FRMPD4: variants seen among roughly 807,000 people sequenced by gnomAD.
The protein encoded by FRMPD4 is FERM and PDZ domain-containing protein 4.
Under a neutral mutation model 94.1 loss-of-function variants are expected in FRMPD4, and 22 were observed. The ratio of observed to expected loss-of-function variants is 0.23; its 90% CI spans 0.17 to 0.33. The LOEUF is 0.33. Ranked by LOEUF, FRMPD4 falls within the 10% of genes least tolerant of loss-of-function variation. FRMPD4 has a pLI of 1.00. For missense variants in FRMPD4, 1,111 were observed against 1,339.9 expected, an observed-to-expected ratio of 0.83 and a Z score of 2.67; for synonymous variants, 631 against 548.6, an observed-to-expected ratio of 1.15 and a Z score of -2.10.
At chrX:12,584,348 C>T (rs1259756821) in intron 2 of FRMPD4, among the ~76,000 whole-genome samples, 1 of 112,087 alleles carries the variant, frequency 8.9e-6, no homozygotes, top group Non-Finnish European at 1.9e-5. Context: ...CTGGTAACAT[C>T]TAATATCCCC....
At chrX:12,557,641 C>G (rs934522354) in intron 2 of FRMPD4, among the ~76,000 whole-genome samples, 3 of 112,021 alleles carry the variant, frequency 2.7e-5, no homozygotes, top group African/African-American at 9.7e-5. Flanking sequence ...AAAATCTCTC[C>G]CAAAGTTTAA....
intron 3 of FRMPD4, among the ~76,000 whole-genome samples, chrX:12,090,145 T>G (rs58159633): frequency 0.074 from 8,252 of 111,061 alleles, 320 homozygotes; most frequent in East Asian, 0.29. Flanking sequence ...ATCGCCAAAA[T>G]TGGAGGTGAG....
intron 3 of FRMPD4, among the ~76,000 whole-genome samples, chrX:12,100,640 T>C (rs1350108434): frequency 8.9e-6 from 1 of 112,394 alleles, no homozygotes; most frequent in African/African-American, 3.2e-5. Flanking sequence ...AAAGCTTTTA[T>C]GTTTATATTA....
At chrX:12,489,314 A>C (rs908417628) in intron 1 of FRMPD4, among the ~76,000 whole-genome samples, 5 of 112,241 alleles carry the variant, frequency 4.5e-5, no homozygotes, top group African/African-American at 1.6e-4. Flanking sequence ...ATTCAAAAAT[A>C]ATTAAAATAC....
intron 1 of FRMPD4, among the ~76,000 whole-genome samples, chrX:12,266,004 G>A (rs2054267682): frequency 9.3e-6 from 1 of 107,269 alleles, no homozygotes; most frequent in African/African-American, 3.4e-5. Context: ...GCGGTGGCAG[G>A]CGCCTGTAGT....
chrX:12,275,178 GCTGT>G (rs772238150), intron 1 of FRMPD4, among the ~76,000 whole-genome samples: 1 of 111,208 alleles, frequency 9.0e-6, no homozygotes, highest in African/African-American at 3.3e-5. Context: ...ATGGCTTGGT[GCTGT>G]CTTTGAGATA....
At chrX:12,706,942 G>A (rs774621991) in intron 12 of FRMPD4, 27 bp downstream of exon 12, 2 of 325,369 alleles carry the variant, frequency 6.1e-6, no homozygotes, top group African/African-American at 7.2e-5. Flanking sequence ...TTTTTTTTTT[G>A]CTTTCTCTTG....
intron 3 of FRMPD4, among the ~76,000 whole-genome samples, chrX:11,962,776 A>G (rs1163846625): frequency 8.9e-6 from 1 of 112,065 alleles, no homozygotes; most frequent in Non-Finnish European, 1.9e-5. Context: ...CATGTAGGAC[A>G]CAGAGTCCCA....
At chrX:11,872,789 T>C (rs182426273) in intron 2 of FRMPD4, among the ~76,000 whole-genome samples, 1 of 112,536 alleles carries the variant, frequency 8.9e-6, no homozygotes, top group Non-Finnish European at 1.9e-5. Flanking sequence ...TGGTCAGTTA[T>C]TTAGACCAAT....
At chrX:12,246,281 C>G (rs1330510592) in intron 1 of FRMPD4, among the ~76,000 whole-genome samples, 1 of 112,206 alleles carries the variant, frequency 8.9e-6, no homozygotes, top group Non-Finnish European at 1.9e-5. Context: ...CCTTCCATTT[C>G]TAAGAGCTGA....
intron 3 of FRMPD4, among the ~76,000 whole-genome samples, chrX:12,016,466 T>C (rs145351934): frequency 1.6e-3 from 178 of 112,113 alleles, no homozygotes; most frequent in African/African-American, 5.5e-3. Context: ...TTCCTGCAAA[T>C]GTGTTTCTCC....
At chrX:12,716,005 A>T in intron 14 of FRMPD4, 64 bp from the exon 15 acceptor site, 1 of 134,925 alleles carries the variant, frequency 7.4e-6, no homozygotes. Context: ...CGAGCCTCCC[A>T]CCCCCGCCCC....
At chrX:12,368,486 C>T (rs949089585) in intron 1 of FRMPD4, among the ~76,000 whole-genome samples, 5 of 110,252 alleles carry the variant, frequency 4.5e-5, no homozygotes, top group Admixed American at 9.7e-5. Flanking sequence ...AGATTACTAC[C>T]TGGCGAGGGA....
intron 1 of FRMPD4, among the ~76,000 whole-genome samples, chrX:11,825,956 T>C (rs1009501405): frequency 8.9e-6 from 1 of 112,297 alleles, no homozygotes; most frequent in African/African-American, 3.2e-5. Context: ...TAGAGACGTG[T>C]ACCATAAGTA....
At chrX:11,876,614 A>G (rs1252231123) in intron 2 of FRMPD4, among the ~76,000 whole-genome samples, 2 of 112,106 alleles carry the variant, frequency 1.8e-5, no homozygotes, top group East Asian at 2.8e-4. Context: ...CTTGGAGACT[A>G]TAGCAATGAG....
chrX:12,034,602 G>T (rs1183120549), intron 3 of FRMPD4, among the ~76,000 whole-genome samples: 1 of 111,537 alleles, frequency 9.0e-6, no homozygotes, highest in Non-Finnish European at 1.9e-5. Flanking sequence ...TCAGCACTTG[G>T]GAGTCGAGCA....
At chrX:12,531,544 G>C (rs1389663187) in intron 2 of FRMPD4, among the ~76,000 whole-genome samples, 3 of 111,648 alleles carry the variant, frequency 2.7e-5, no homozygotes, top group African/African-American at 9.7e-5. Context: ...GCTGGGGCTT[G>C]AGATTCCACA....
chrX:12,594,700 G>T (rs1447911032), intron 2 of FRMPD4, among the ~76,000 whole-genome samples: 1 of 111,412 alleles, frequency 9.0e-6, no homozygotes, highest in Admixed American at 9.5e-5. Context: ...CTCCCAAAGT[G>T]CTGGGATTAC....
intron 3 of FRMPD4, among the ~76,000 whole-genome samples, chrX:11,924,975 C>T (rs1462261117): frequency 9.0e-6 from 1 of 110,881 alleles, no homozygotes; most frequent in Non-Finnish European, 1.9e-5. Context: ...AATAAAGAAC[C>T]AAGACTCATT....
Sources: allele counts gnomAD v4.1 joint callset (sites outside exome capture counted in the v4.1 genomes callset), GRCh38; gene constraint gnomAD v4.1.1; transcripts MANE v1.5; gene names NCBI Gene and HGNC (gene_info 2026-07-23, HGNC 2026-07-21).